PSMA8: variants seen among roughly 807,000 people sequenced by gnomAD.
PSMA8 encodes proteasome 20S subunit alpha 8.
A neutral mutation model predicts 32.4 loss-of-function variants in PSMA8; 18 were observed. The observed-to-expected ratio is 0.56, with a 90% CI of 0.38 to 0.82. The LOEUF is 0.82. PSMA8 is among the 40% of genes least tolerant of loss of function. The pLI is 0.00. For synonymous variants in PSMA8, 104 were observed against 98.1 expected (o/e 1.06, Z -0.36); for missense variants, 298 against 300.7 (o/e 0.99, Z 0.07).
chr18:26,146,178 TC>T (rs1336043402), intron 2 of PSMA8, among the ~76,000 whole-genome samples: 3 of 151,688 alleles, frequency 2.0e-5, no homozygotes, highest in Admixed American at 1.3e-4. Flanking sequence ...TTTTTTTTTT[TC>T]CTCATCTTCT....
intron 3 of PSMA8, among the ~76,000 whole-genome samples, chr18:26,152,371 C>T (rs2055053643): frequency 6.6e-6 from 1 of 152,066 alleles, no homozygotes; most frequent in Non-Finnish European, 1.5e-5. Flanking sequence ...GTTGCCCAGG[C>T]TAGAGTGTAG....
At chr18:26,188,553 G>A (rs1473983659) in intron 6 of PSMA8, among the ~76,000 whole-genome samples, 2 of 152,004 alleles carry the variant, frequency 1.3e-5, no homozygotes, top group African/African-American at 4.8e-5. Context: ...TAAGCAAAAA[G>A]GACAAAACTG....
intron 2 of PSMA8, 42 bp downstream of exon 2, chr18:26,144,727 T>C (rs1775729544): frequency 6.2e-7 from 1 of 1,600,410 alleles, no homozygotes; most frequent in Non-Finnish European, 8.5e-7. Context: ...TGTCTTACTG[T>C]AGTAGGGCAA....
chr18:26,151,351 A>G (rs567341801), intron 2 of PSMA8, among the ~76,000 whole-genome samples: 1 of 152,354 alleles, frequency 6.6e-6, no homozygotes, highest in South Asian at 2.1e-4. Context: ...GTTCATGGTC[A>G]GTTTGTTGCT....
chr18:26,143,252 A>G (rs2054973949), intron 1 of PSMA8, among the ~76,000 whole-genome samples: 1 of 152,098 alleles, frequency 6.6e-6, no homozygotes, highest in Admixed American at 6.5e-5. Context: ...TTCTCCATGT[A>G]CTCCAATTTC....
At chr18:26,177,452 T>C (rs1448143275) in intron 4 of PSMA8, among the ~76,000 whole-genome samples, 1 of 152,208 alleles carries the variant, frequency 6.6e-6, no homozygotes, top group Non-Finnish European at 1.5e-5. Context: ...ACCTATTTAA[T>C]CATTTTTGTG....
intron 4 of PSMA8, 61 bp downstream of exon 4, chr18:26,158,305 T>G: frequency 7.5e-7 from 1 of 1,342,050 alleles, no homozygotes; most frequent in African/African-American, 1.5e-5. Context: ...TGTAAATGCT[T>G]TATTGCTTTG....
chr18:26,134,434 G>A (rs186778635), intron 1 of PSMA8, among the ~76,000 whole-genome samples: 40 of 151,836 alleles, frequency 2.6e-4, no homozygotes, highest in Admixed American at 2.1e-3. Flanking sequence ...CTTCTAATCT[G>A]TAACAGCCTA....
At chr18:26,157,359 C>A (rs917278070) in intron 3 of PSMA8, among the ~76,000 whole-genome samples, 1 of 151,418 alleles carries the variant, frequency 6.6e-6, no homozygotes, top group African/African-American at 2.4e-5. Context: ...TCGAGACCAG[C>A]CTGGCCAACC....
At chr18:26,141,892 C>T (rs1487588328) in intron 1 of PSMA8, among the ~76,000 whole-genome samples, 4 of 151,230 alleles carry the variant, frequency 2.6e-5, no homozygotes, top group African/African-American at 9.7e-5. Context: ...CACTATGTTG[C>T]CCAGGCTAGT....
At chr18:26,158,801 A>T (rs1008519527) in intron 4 of PSMA8, among the ~76,000 whole-genome samples, 4 of 152,180 alleles carry the variant, frequency 2.6e-5, no homozygotes, top group Non-Finnish European at 5.9e-5. Context: ...GGTGCACTCA[A>T]ATCCAATACA....
chr18:26,152,094 A>C (rs1484300508), intron 3 of PSMA8, 112 bp downstream of exon 3: 2 of 679,444 alleles, frequency 2.9e-6, no homozygotes, highest in Admixed American at 3.9e-5. Flanking sequence ...AAATATATTA[A>C]ATTTCTTATT....
At chr18:26,184,255 G>A (rs2055334974) in intron 6 of PSMA8, among the ~76,000 whole-genome samples, 1 of 150,372 alleles carries the variant, frequency 6.7e-6, no homozygotes, top group Non-Finnish European at 1.5e-5. Flanking sequence ...CATTTATTCT[G>A]GCTTAAAGCA....
intron 1 of PSMA8, among the ~76,000 whole-genome samples, chr18:26,141,979 C>T: frequency 6.6e-6 from 1 of 151,696 alleles, no homozygotes; most frequent in African/African-American, 2.4e-5. Context: ...AGCCACCATG[C>T]TCAGCCAGGC....
At chr18:26,151,718 C>A in intron 2 of PSMA8, 140 bp from the exon 3 acceptor site, 1 of 630,130 alleles carries the variant, frequency 1.6e-6, no homozygotes, top group Non-Finnish European at 2.5e-6. Flanking sequence ...CTTTATCTCA[C>A]AAGTCTTTTA....
At chr18:26,155,414 G>T (rs191543064) in intron 3 of PSMA8, among the ~76,000 whole-genome samples, 145 of 152,266 alleles carry the variant, frequency 9.5e-4, no homozygotes, top group African/African-American at 3.3e-3. Flanking sequence ...TATATTCAGA[G>T]ATACAGTAAC....
chr18:26,169,838 C>T (rs1195173891), intron 4 of PSMA8, among the ~76,000 whole-genome samples: 1 of 115,462 alleles, frequency 8.7e-6, no homozygotes, highest in Non-Finnish European at 1.6e-5. Flanking sequence ...AAGAGCGAAA[C>T]GCTGTCTAAA....
In PSMA8 at chr18:26,183,644, G is replaced by A. The variant is rs533999414; in HGVS notation, c.660+4514G>A. Among the ~76,000 whole-genome samples, 4 of 150,842 alleles carry A rather than the reference G, an allele frequency of 2.7e-5. No homozygotes were observed. In the South Asian group the frequency reaches 8.3e-4, roughly 31 times the overall value. On this transcript the variant is annotated intron_variant, in intron 6 of 6. Transcript: ENST00000415576. The stretch of plus-strand genomic sequence containing the variant: ...GATGAGAAAAGAATGTGGTTTCTTG[G>A]ATGAAATCTACTCCTGGTTATGATG...
At position 26,179,075 on chromosome 18, in the gene PSMA8, A is replaced by AG. The variant is rs773651457; in HGVS notation, c.606dup (p.Ser203ValfsTer7). 3 of 1,613,306 alleles carry AG rather than the reference A, an allele frequency of 1.9e-6. No individual in the cohort carries two copies. The highest frequency in any genetic ancestry group is 2.5e-6 in the Non-Finnish European group (3 of 1,179,572). On this transcript the variant is annotated frameshift_variant, in exon 6 of 7. Transcript: ENST00000415576. LOFTEE classifies it high-confidence loss of function. ...GTACTTGTTCTACATTAGGTTGTCC[A>AG]GTCTGGTGGAAAAAACATTGAACTT...
Sources: allele counts gnomAD v4.1 joint callset (sites outside exome capture counted in the v4.1 genomes callset), GRCh38; gene constraint gnomAD v4.1.1; transcripts MANE v1.5; gene names NCBI Gene and HGNC (gene_info 2026-07-23, HGNC 2026-07-21).